The following RFX3 variants were observed in gnomAD, a reference collection of about 807,000 sequenced individuals.
RFX3 encodes the protein transcription factor RFX3.
A neutral mutation model predicts 98.6 loss-of-function variants in RFX3; 14 were observed. That is an observed-to-expected ratio of 0.14 (90% CI 0.09 to 0.22). The LOEUF (loss-of-function observed/expected upper bound fraction) is 0.22, where lower values mean the gene tolerates loss of function less well. Among genes scored for constraint, RFX3 ranks in the 10% least tolerant of loss-of-function variants. The pLI, the probability that RFX3 is intolerant of heterozygous loss-of-function variation, is 1.00. For missense variants in RFX3, 639 were observed against 926.9 expected, an observed-to-expected ratio of 0.69 and a Z score of 4.03; for synonymous variants, 383 against 328.4, an observed-to-expected ratio of 1.17 and a Z score of -1.80.
intron 15 of RFX3, among the ~76,000 whole-genome samples, chr9:3,244,434 T>G (rs180825610): frequency 1.3e-5 from 2 of 152,308 alleles, no homozygotes; most frequent in Admixed American, 1.3e-4. Context: ...GGTGTTAGCT[T>G]CACTTGAAAT....
chr9:3,297,456 A>G (rs546230954), intron 5 of RFX3, among the ~76,000 whole-genome samples: 2 of 152,182 alleles, frequency 1.3e-5, no homozygotes, highest in South Asian at 2.1e-4. Context: ...AAGATAGACT[A>G]AAGATGAATG....
intron 1 of RFX3, chr9:3,490,307 C>A (rs1283077494): frequency 1.3e-5 from 13 of 983,458 alleles, no homozygotes; most frequent in Non-Finnish European, 1.6e-5. Context: ...CCAAACTCAA[C>A]GTATTCTCTA....
chr9:3,521,663 T>A (rs908255189), intron 1 of RFX3, among the ~76,000 whole-genome samples: 3 of 152,180 alleles, frequency 2.0e-5, no homozygotes, highest in African/African-American at 7.2e-5. Context: ...ATATTATCAT[T>A]TTAAAAGATC....
At chr9:3,249,791 A>C (rs1322878449) in intron 14 of RFX3, among the ~76,000 whole-genome samples, 1 of 152,088 alleles carries the variant, frequency 6.6e-6, no homozygotes, top group Non-Finnish European at 1.5e-5. Flanking sequence ...AAATGACATA[A>C]TGTATGTGAA....
At chr9:3,333,414 A>C (rs1262628811) in intron 3 of RFX3, among the ~76,000 whole-genome samples, 2 of 151,662 alleles carry the variant, frequency 1.3e-5, no homozygotes, top group African/African-American at 2.4e-5. Context: ...GGGTGATGAT[A>C]GAAACAAATT....
intron 1 of RFX3, among the ~76,000 whole-genome samples, chr9:3,413,776 G>A (rs1009144028): frequency 5.9e-5 from 9 of 152,016 alleles, no homozygotes; most frequent in Admixed American, 5.9e-4. Context: ...ACAACTCTTA[G>A]TAAGGCTGCA....
intron 1 of RFX3, among the ~76,000 whole-genome samples, chr9:3,412,753 T>C (rs1341886930): frequency 6.6e-6 from 1 of 152,130 alleles, no homozygotes; most frequent in Non-Finnish European, 1.5e-5. Flanking sequence ...GGGAAACTTA[T>C]AACTAGCTTT....
At chr9:3,491,214 T>C (rs1399907316) in intron 1 of RFX3, among the ~76,000 whole-genome samples, 1 of 152,056 alleles carries the variant, frequency 6.6e-6, no homozygotes, top group Non-Finnish European at 1.5e-5. Context: ...TATTTGAGAT[T>C]ACTTGAAGAA....
At chr9:3,505,474 T>C (rs1226707909) in intron 1 of RFX3, among the ~76,000 whole-genome samples, 1 of 12,358 alleles carries the variant, frequency 8.1e-5, no homozygotes, top group Non-Finnish European at 6.7e-4. Flanking sequence ...AAATATTTTA[T>C]ATTTATATAA....
At chr9:3,331,380 T>C (rs1003484822) in intron 3 of RFX3, among the ~76,000 whole-genome samples, 1 of 152,200 alleles carries the variant, frequency 6.6e-6, no homozygotes, top group African/African-American at 2.4e-5. Context: ...ATAACTTCAA[T>C]TTTAAGAGGA....
intron 3 of RFX3, among the ~76,000 whole-genome samples, chr9:3,340,413 A>G (rs1364558478): frequency 3.3e-5 from 5 of 152,128 alleles, no homozygotes; most frequent in Non-Finnish European, 7.4e-5. Context: ...GGGATCTAAT[A>G]AAACCAAAGA....
intron 5 of RFX3, among the ~76,000 whole-genome samples, chr9:3,296,170 A>G (rs1018313111): frequency 3.3e-5 from 5 of 151,964 alleles, no homozygotes; most frequent in Non-Finnish European, 5.9e-5. Flanking sequence ...AGCTAGTACA[A>G]ATATTAAAGT....
In RFX3 at chr9:3,525,817, A is replaced by AGAGGAG. The variant is rs928554462; in HGVS notation, c.-85_-80dup. ...GTGGTGGTGGGGAGGAGGAGGAGGAAGAGGAGGAGGAGGAGGAGAGGAGTA... is the reference window on the plus strand; with the variant it reads ...GTGGTGGTGGGGAGGAGGAGGAGGAAGAGGAGGAGGAGGAGGAGGAGGAGAGGAGTA... On this transcript the variant is annotated 5_prime_UTR_variant, in exon 1 of 17. Coordinates refer to ENST00000617270, the MANE Select transcript of RFX3 (RefSeq NM_001282116.2). The AGAGGAG allele has an allele frequency of 2.1e-5, 17 of 808,780 alleles. No homozygotes were observed. The South Asian group carries it at 8.2e-4, about 39-fold the overall frequency. The allele number at this position is 808,780 out of a possible 1,614,324, so 50.1% of individuals were successfully genotyped here.
At chr9:3,302,786 T>C (rs1272638222) in intron 4 of RFX3, among the ~76,000 whole-genome samples, 1 of 151,860 alleles carries the variant, frequency 6.6e-6, no homozygotes, top group Non-Finnish European at 1.5e-5. Flanking sequence ...CCAATTTCTT[T>C]ATGGTAAAAC....
chr9:3,443,281 T>A (rs1398860159), intron 1 of RFX3, among the ~76,000 whole-genome samples: 7 of 152,176 alleles, frequency 4.6e-5, no homozygotes, highest in Non-Finnish European at 8.8e-5. Flanking sequence ...GATGGTTTGG[T>A]GCACAGATCA....
chr9:3,383,022 CA>C (rs770569732), intron 2 of RFX3, among the ~76,000 whole-genome samples: 12 of 152,040 alleles, frequency 7.9e-5, no homozygotes, highest in Non-Finnish European at 1.3e-4. Flanking sequence ...TTCAGATTGG[CA>C]AAGTTATTTA....
intron 6 of RFX3, among the ~76,000 whole-genome samples, chr9:3,291,064 GAACA>G (rs1372687426): frequency 2.0e-5 from 3 of 152,144 alleles, no homozygotes; most frequent in Admixed American, 6.6e-5. Context: ...AGAAAAATCT[GAACA>G]AACAGGCCTT....
intron 2 of RFX3, chr9:3,394,751 T>C (rs1840682035): frequency 5.1e-6 from 4 of 782,782 alleles, no homozygotes; most frequent in Non-Finnish European, 6.2e-6. Context: ...GATAATGTTA[T>C]ATGACATATG....
At chr9:3,274,779 C>A (rs1824973556) in intron 9 of RFX3, among the ~76,000 whole-genome samples, 1 of 152,044 alleles carries the variant, frequency 6.6e-6, no homozygotes, top group Admixed American at 6.6e-5. Flanking sequence ...CTCCCAGTCA[C>A]CCAGTTTCCT....
Sources: allele counts gnomAD v4.1 joint callset (sites outside exome capture counted in the v4.1 genomes callset), GRCh38; gene constraint gnomAD v4.1.1; transcripts MANE v1.5; gene names NCBI Gene and HGNC (gene_info 2026-07-23, HGNC 2026-07-21).